Variants in ZNF653 observed in about 807,000 individuals in gnomAD.
The protein encoded by ZNF653 is 67 kDa zinc finger protein.
ZNF653 carries 37 observed loss-of-function variants against 59.9 expected under a neutral mutation model. The ratio of observed to expected loss-of-function variants is 0.62; its 90% CI spans 0.48 to 0.81. The LOEUF (loss-of-function observed/expected upper bound fraction) is 0.81, where lower values mean the gene tolerates loss of function less well. ZNF653 is among the 40% of genes least tolerant of loss of function. The pLI, the probability that ZNF653 is intolerant of heterozygous loss-of-function variation, is 0.00. For missense variants in ZNF653, 808 were observed against 881.1 expected (o/e 0.92, Z 1.05); for synonymous variants, 435 against 371.8 (o/e 1.17, Z -1.96).
chr19:11,505,737 C>CCCGCCTCAGCCT lies in ZNF653; in HGVS notation c.38_49dup (p.Glu13_Ala16dup). Reference sequence around the variant, plus strand: ...CTCGGCTGCTGCCTCCCCGCCCGCGCCCGCCTCAGCCTCCGCCTCCGCCTC... The same window carrying CCCGCCTCAGCCT: ...CTCGGCTGCTGCCTCCCCGCCCGCGCCCGCCTCAGCCTCCGCCTCAGCCTCCGCCTCCGCCTC... On this transcript the variant is annotated inframe_insertion, in exon 1 of 9. Transcript: ENST00000293771. The CCCGCCTCAGCCT allele has an allele frequency of 1.4e-6, 2 of 1,447,308 alleles. No homozygotes were observed. The highest frequency in any genetic ancestry group is 1.8e-6 in the Non-Finnish European group (2 of 1,110,220). The allele number at this position is 1,447,308 out of a possible 1,614,324, so 89.7% of individuals were successfully genotyped here. A position where few individuals can be genotyped will look rare whatever the true frequency, so the allele number is the denominator to read the frequency against.
rs1354542912 is a variant in ZNF653, at chr19:11,483,796, G to A, written c.1734C>T (p.His578=). The change falls in exon 9 of 9, where the codon CAC becomes CAT. Residue 578 remains histidine (H), a synonymous_variant. Transcript: ENST00000293771. ...TGAAGTTGTACTGCACCTCCGCAGTGTGCTTCTTCATGTGCCAGTTGAGCG... is the reference window on the plus strand; with the variant it reads ...TGAAGTTGTACTGCACCTCCGCAGTATGCTTCTTCATGTGCCAGTTGAGCG... The part of the protein sequence containing the change: ...RASLNWHMKK[H]TAEVQYNFTC... The A allele has an allele frequency of 5.0e-6, 8 of 1,612,734 alleles. No homozygotes were observed. In the Admixed American group the frequency reaches 1.2e-4, roughly 24 times the overall value.
chr19:11,503,381 C>A (rs1971667468), intron 1 of ZNF653, among the ~76,000 whole-genome samples: 1 of 152,234 alleles, frequency 6.6e-6, no homozygotes, highest in Non-Finnish European at 1.5e-5. Context: ...TACTGAAATG[C>A]TATCTTCTGA....
chr19:11,501,761 G>C (rs753994684), intron 1 of ZNF653, among the ~76,000 whole-genome samples: 3 of 152,110 alleles, frequency 2.0e-5, no homozygotes, highest in Non-Finnish European at 2.9e-5. Context: ...CCACACTCAG[G>C]CCTGTGTTTT....
chr19:11,486,108 G>A (rs571112063), intron 6 of ZNF653, among the ~76,000 whole-genome samples: 3 of 152,110 alleles, frequency 2.0e-5, no homozygotes, highest in East Asian at 1.9e-4. Context: ...CCGCCACCAC[G>A]CCCGGCTGCT....
chr19:11,492,531 G>C (rs1256592174), intron 3 of ZNF653, among the ~76,000 whole-genome samples: 3 of 152,030 alleles, frequency 2.0e-5, no homozygotes, highest in Non-Finnish European at 2.9e-5. Context: ...TTTTTTGCTA[G>C]AGATGGGGTC....
intron 1 of ZNF653, among the ~76,000 whole-genome samples, chr19:11,501,862 T>C (rs568133703): frequency 2.0e-5 from 3 of 152,132 alleles, no homozygotes; most frequent in Non-Finnish European, 4.4e-5. Flanking sequence ...TGGCACGATC[T>C]TGGCTCACTG....
Position 11,495,808 on chromosome 19 carries a change from A to G in ZNF653, c.559+142T>C. The G allele has an allele frequency of 1.2e-6, 1 of 848,016 alleles. No individual in the cohort carries two copies. Among genetic ancestry groups the G allele is most frequent in the South Asian group, 1.7e-5 (1 of 58,956 alleles). The allele number at this position is 848,016 out of a possible 1,614,324, so 52.5% of individuals were successfully genotyped here. ...GGCCACGAAGGACTCAGCCTGGCCC[A>G]TCGTGTCCCTGCTCTGCCCCAGTGC... is the stretch of plus-strand genomic sequence containing the variant. On this transcript the variant is annotated intron_variant, in intron 3 of 8. Transcript: ENST00000293771. The surrounding 1 kb of genome is among the most constrained non-coding windows in gnomAD (Gnocchi z 4.9).
intron 8 of ZNF653, 60 bp downstream of exon 8, chr19:11,483,982 G>C (rs1260854711): frequency 6.5e-7 from 1 of 1,536,442 alleles, no homozygotes; most frequent in African/African-American, 1.4e-5. Flanking sequence ...CCGCCCCTGG[G>C]ACCTGCTGGG....
At chr19:11,505,437 G>T in intron 1 of ZNF653, 51 bp downstream of exon 1, 1 of 1,380,564 alleles carries the variant, frequency 7.2e-7, no homozygotes. Context: ...AAAGCCCGGC[G>T]GGGTCTGGGG....
chr19:11,500,017 A>C (rs1276934068), intron 1 of ZNF653, among the ~76,000 whole-genome samples: 1 of 152,188 alleles, frequency 6.6e-6, no homozygotes, highest in African/African-American at 2.4e-5. Context: ...CGTTATGATT[A>C]TCAGTATCAT....
In ZNF653 at chr19:11,495,516, G is replaced by A. The variant is rs901722406; in HGVS notation, c.559+434C>T. 6.0e-5 allele frequency: 11 copies of A among 183,750 alleles called. No homozygotes were observed. The East Asian group carries it at 1.1e-3, about 18-fold the overall frequency. The allele number at this position is 183,750 out of a possible 1,614,324, so 11.4% of individuals were successfully genotyped here. On this transcript the variant is annotated intron_variant, in intron 3 of 8. Transcript: ENST00000293771. The surrounding 1 kb of genome is among the most constrained non-coding windows in gnomAD (Gnocchi z 4.9). Reference sequence around the variant, plus strand: ...ATGCAACTGGGAGCCAGAGAAAATCGAAAAGGAGGTAGCGGCCAGCTTAGC... The same window carrying A: ...ATGCAACTGGGAGCCAGAGAAAATCAAAAAGGAGGTAGCGGCCAGCTTAGC...
chr19:11,494,158 C>CT lies in ZNF653; in HGVS notation c.559+1791dup, dbSNP rs1212263290. Among the ~76,000 whole-genome samples the CT allele has an allele frequency of 9.2e-5, 14 of 152,158 alleles. No individual in the cohort carries two copies. The East Asian group carries it at 2.7e-3, about 29-fold the overall frequency. On this transcript the variant is annotated intron_variant, in intron 3 of 8. Transcript: ENST00000293771. ...CCAAAGTGGTGAAAACCCACGTCTACTAAAAATACAAAAATTAGCTGGGCA... is the reference window on the plus strand; with the variant it reads ...CCAAAGTGGTGAAAACCCACGTCTACTTAAAAATACAAAAATTAGCTGGGCA...
At chr19:11,488,248 C>A (rs185761616) in intron 3 of ZNF653, among the ~76,000 whole-genome samples, 1 of 151,810 alleles carries the variant, frequency 6.6e-6, no homozygotes, top group East Asian at 2.0e-4. Flanking sequence ...CTCCCAGGTT[C>A]ATGCCATTCT....
chr19:11,505,745 A>G lies in ZNF653; in HGVS notation c.42T>C (p.Ala14=). The change falls in exon 1 of 9, where the codon GCT becomes GCC. Residue 14 remains alanine, a synonymous_variant. Transcript: ENST00000293771. The stretch of plus-strand genomic sequence containing the variant: ...CTGCCTCCCCGCCCGCGCCCGCCTC[A>G]GCCTCCGCCTCCGCCTCGGGCTCTA... The part of the protein sequence containing the change: ...RALEPEAEAE[A]EAGAGGEAAA... 1.4e-6 allele frequency: 2 copies of G among 1,401,504 alleles called. No individual in the cohort carries two copies. The highest frequency in any genetic ancestry group is 9.2e-7 in the Non-Finnish European group (1 of 1,090,890). The allele number at this position is 1,401,504 out of a possible 1,614,324, so 86.8% of individuals were successfully genotyped here. A position where few individuals can be genotyped will look rare whatever the true frequency, so the allele number is the denominator to read the frequency against.
In ZNF653 at chr19:11,505,487, C is replaced by T. The variant is rs1225421698; in HGVS notation, c.299+1G>A. 1 of 1,483,306 alleles carries T rather than the reference C, an allele frequency of 6.7e-7. No individual in the cohort carries two copies. The highest frequency in any genetic ancestry group is 8.9e-7 in the Non-Finnish European group (1 of 1,129,152). The allele number at this position is 1,483,306 out of a possible 1,614,324, so 91.9% of individuals were successfully genotyped here. On this transcript the variant is annotated splice_donor_variant, in intron 1 of 8. Coordinates refer to ENST00000293771, the MANE Select transcript of ZNF653 (RefSeq NM_138783.4). LOFTEE classifies it high-confidence loss of function. ...CCTCCCTCGGGGCCAGGCCCCCTCA[C>T]CCGTGGCGGCCGCTCCGCTGGCCGC... is the stretch of plus-strand genomic sequence containing the variant.
intron 1 of ZNF653, among the ~76,000 whole-genome samples, chr19:11,500,304 C>T (rs926906443): frequency 2.0e-5 from 3 of 152,100 alleles, no homozygotes; most frequent in Non-Finnish European, 4.4e-5. Context: ...ATGGCTCCAC[C>T]CTCCCCTGCA....
Position 11,483,718 on chromosome 19 carries a change from G to A in ZNF653, c.1812C>T (p.His604=), listed in dbSNP as rs768206935. The A allele has an allele frequency of 6.2e-7, 1 of 1,613,686 alleles. No homozygotes were observed. Among genetic ancestry groups the A allele is most frequent in the South Asian group, 1.1e-5 (1 of 91,080 alleles). ...TGTGATCCGGGTGGCTTTTGAGCGT[G>A]TGGAACTTGACGCTGTCCAGCTTCT... is the stretch of plus-strand genomic sequence containing the variant. ...RFEKLDSVKF[H]TLKSHPDHKP... Residue 604 remains histidine, a synonymous_variant, in exon 9 of 9, where the codon CAC becomes CAT. Transcript: ENST00000293771.
chr19:11,495,448 G>C lies in ZNF653; in HGVS notation c.559+502C>G, dbSNP rs1419811791. ...GAACAGGAGGGAAACAGAATGGAGG[G>C]GGAAGGCAAGAAACGAAGCCTGGAA... On this transcript the variant is annotated intron_variant, in intron 3 of 8. Transcript: ENST00000293771. This position sits in a 1 kb window ranked among gnomAD's most constrained non-coding sequence, Gnocchi z 4.9. The C allele has an allele frequency of 5.8e-6, 1 of 172,346 alleles. No homozygotes were observed. The highest frequency in any genetic ancestry group is 2.4e-5 in the African/African-American group (1 of 41,766). The allele number at this position is 172,346 out of a possible 1,614,324, so 10.7% of individuals were successfully genotyped here. A position where few individuals can be genotyped will look rare whatever the true frequency, so the allele number is the denominator to read the frequency against.
chr19:11,487,509 C>T lies in ZNF653; in HGVS notation c.954G>A (p.Gln318=). ...AACCAGGGCCCGCAATGATGATCAC[C>T]TGTGAGCCGGGCACCATGCCTGGCA... ...CPMPGMVPGS[Q]VIIIAGPGYD... is the part of the protein sequence containing the mutation. The change falls in exon 4 of 9, where the codon CAG becomes CAA. Residue 318 remains glutamine, a synonymous_variant. Coordinates refer to ENST00000293771, the MANE Select transcript of ZNF653 (RefSeq NM_138783.4). This position sits in a 1 kb window ranked among gnomAD's most constrained non-coding sequence, Gnocchi z 5.1. 1 of 1,613,908 alleles carries T rather than the reference C, an allele frequency of 6.2e-7. No homozygotes were observed. Among genetic ancestry groups the T allele is most frequent in the South Asian group, 1.1e-5 (1 of 91,086 alleles).
Sources: gnomAD v4.1 joint callset for allele counts (sites outside exome capture counted in the v4.1 genomes callset) on GRCh38, gnomAD v4.1.1 for gene constraint, Gnocchi (gnomAD v3.1) non-coding constraint, MANE v1.5 for transcripts, NCBI Gene and HGNC (gene_info 2026-07-23, HGNC 2026-07-21) for gene names.